The following MSRB3 variants were observed in gnomAD, a reference collection of about 807,000 sequenced individuals.
MSRB3 encodes the protein methionine-R-sulfoxide reductase B3.
A neutral mutation model predicts 21.0 loss-of-function variants in MSRB3; 13 were observed. The observed-to-expected ratio is 0.62, with a 90% CI of 0.40 to 0.98. The LOEUF (loss-of-function observed/expected upper bound fraction) is 0.98, where lower values mean the gene tolerates loss of function less well. Ranked by LOEUF, MSRB3 falls within the 50% of genes least tolerant of loss-of-function variation. The pLI, the probability that MSRB3 is intolerant of heterozygous loss-of-function variation, is 0.00. For synonymous variants in MSRB3, 87 were observed against 88.6 expected (o/e 0.98, Z 0.10); for missense variants, 199 against 230.3 (o/e 0.86, Z 0.88).
chr12:65,371,371 A>G (rs1878315821), intron 5 of MSRB3, among the ~76,000 whole-genome samples: 1 of 151,124 alleles, frequency 6.6e-6, no homozygotes, highest in Admixed American at 6.6e-5. Context: ...GCATATTGGA[A>G]CAATTAAATA....
chr12:65,366,115 C>G (rs1353520189), intron 4 of MSRB3, among the ~76,000 whole-genome samples: 5 of 152,190 alleles, frequency 3.3e-5, no homozygotes. Flanking sequence ...CCCAGGTGCT[C>G]TCAGCCACTC....
chr12:65,330,187 A>G (rs1379816163), intron 4 of MSRB3, among the ~76,000 whole-genome samples: 1 of 152,202 alleles, frequency 6.6e-6, no homozygotes, highest in Non-Finnish European at 1.5e-5. Context: ...TGTTTTAAAT[A>G]AGAAACAGAA....
intron 1 of MSRB3, among the ~76,000 whole-genome samples, chr12:65,293,746 A>G (rs1872790102): frequency 6.6e-6 from 1 of 152,198 alleles, no homozygotes; most frequent in Non-Finnish European, 1.5e-5. Flanking sequence ...TCATGGTGGC[A>G]GGGACCATGG....
At chr12:65,440,569 G>A (rs1282549756) in intron 5 of MSRB3, among the ~76,000 whole-genome samples, 1 of 151,764 alleles carries the variant, frequency 6.6e-6, no homozygotes, top group East Asian at 1.9e-4. Context: ...CTAAAAGGAA[G>A]CCAAATATCA....
intron 5 of MSRB3, among the ~76,000 whole-genome samples, chr12:65,416,720 T>C (rs1003409391): frequency 1.3e-5 from 2 of 152,200 alleles, no homozygotes; most frequent in African/African-American, 4.8e-5. Flanking sequence ...CTTTTTCAGA[T>C]CCATTATAAT....
At chr12:65,303,661 G>A (rs893960596) in intron 1 of MSRB3, among the ~76,000 whole-genome samples, 4 of 152,010 alleles carry the variant, frequency 2.6e-5, no homozygotes, top group Non-Finnish European at 5.9e-5. Context: ...AATAAATGCC[G>A]GGTACTGGGA....
intron 5 of MSRB3, among the ~76,000 whole-genome samples, chr12:65,446,452 A>G (rs1393719051): frequency 6.6e-6 from 1 of 152,210 alleles, no homozygotes; most frequent in Admixed American, 6.5e-5. Flanking sequence ...TAGTTAGTAG[A>G]AAAATTATGA....
intron 1 of MSRB3, among the ~76,000 whole-genome samples, chr12:65,291,363 G>A (rs1280785590): frequency 6.6e-6 from 1 of 151,928 alleles, no homozygotes; most frequent in Non-Finnish European, 1.5e-5. Flanking sequence ...TGGGATTACA[G>A]GTCTTTTCTC....
intron 4 of MSRB3, among the ~76,000 whole-genome samples, chr12:65,347,746 T>G (rs1488715950): frequency 6.6e-6 from 1 of 152,216 alleles, no homozygotes; most frequent in Non-Finnish European, 1.5e-5. Context: ...TCTTATTATT[T>G]GCAGATATGT....
At chr12:65,450,924 A>C (rs1882828418) in intron 5 of MSRB3, among the ~76,000 whole-genome samples, 1 of 152,210 alleles carries the variant, frequency 6.6e-6, no homozygotes, top group African/African-American at 2.4e-5. Context: ...GCCATAAGGC[A>C]GTTTATTACT....
Position 65,278,832 on chromosome 12 carries a change from T to A in MSRB3, c.-85T>A. ...CTGCCTCTCCCTCTGCCTCTGCCTC[T>A]GCCTGGCCGCGGCTCTGGGAAGTGC... On this transcript the variant is annotated 5_prime_UTR_variant, in exon 1 of 7. Coordinates refer to ENST00000308259, the MANE Select transcript of MSRB3 (RefSeq NM_001031679.3). The A allele has an allele frequency of 1.3e-6, 2 of 1,567,644 alleles. No homozygotes were observed. The highest frequency in any genetic ancestry group is 8.6e-7 in the Non-Finnish European group (1 of 1,156,256).
Position 65,465,106 on chromosome 12 carries a change from G to T in MSRB3, c.*1784G>T. On this transcript the variant is annotated 3_prime_UTR_variant, in exon 7 of 7. Coordinates refer to ENST00000308259, the MANE Select transcript of MSRB3 (RefSeq NM_001031679.3). ...GAGAGGAGGCTGACTTAGCTGATTG[G>T]TATGGAAACAGTTGGGCCAAGAGCC... is the stretch of plus-strand genomic sequence containing the variant. 6.6e-6 allele frequency: 1 copy of T among 152,214 alleles called. No homozygotes were observed. The highest frequency in any genetic ancestry group is 1.5e-5 in the Non-Finnish European group (1 of 68,048). The allele number at this position is 152,214 out of a possible 1,614,324, so 9.4% of individuals were successfully genotyped here.
At chr12:65,448,004 A>T (rs748971295) in intron 5 of MSRB3, among the ~76,000 whole-genome samples, 51 of 152,270 alleles carry the variant, frequency 3.3e-4, no homozygotes, top group Middle Eastern at 3.4e-3. Context: ...AATCAATTTG[A>T]TTTTCGGTCT....
intron 2 of MSRB3, among the ~76,000 whole-genome samples, chr12:65,316,652 C>T (rs1874318664): frequency 6.6e-6 from 1 of 152,058 alleles, no homozygotes; most frequent in African/African-American, 2.4e-5. Flanking sequence ...GATCTCTGCT[C>T]TTAAGGGATC....
chr12:65,416,333 T>C (rs1295934675), intron 5 of MSRB3, among the ~76,000 whole-genome samples: 1 of 152,222 alleles, frequency 6.6e-6, no homozygotes, highest in East Asian at 1.9e-4. Context: ...CTCCTCGTTC[T>C]AAACAGAGTC....
chr12:65,417,945 G>A (rs992788260), intron 5 of MSRB3, among the ~76,000 whole-genome samples: 1 of 152,192 alleles, frequency 6.6e-6, no homozygotes, highest in Admixed American at 6.5e-5. Context: ...CAATAAACAT[G>A]GGAGTGCAGA....
At chr12:65,347,166 T>G (rs1318831887) in intron 4 of MSRB3, among the ~76,000 whole-genome samples, 2 of 152,220 alleles carry the variant, frequency 1.3e-5, no homozygotes, top group Non-Finnish European at 2.9e-5. Flanking sequence ...ATCTATAAAT[T>G]ACCTTGGGCA....
At chr12:65,303,763 A>G (rs1441331643) in intron 1 of MSRB3, among the ~76,000 whole-genome samples, 1 of 152,154 alleles carries the variant, frequency 6.6e-6, no homozygotes, top group South Asian at 2.1e-4. Context: ...GAAAGTTGTT[A>G]TAGGGGATGT....
intron 5 of MSRB3, among the ~76,000 whole-genome samples, chr12:65,438,415 C>G (rs1399067126): frequency 6.6e-6 from 1 of 151,740 alleles, no homozygotes; most frequent in African/African-American, 2.4e-5. Context: ...TTTGGGGGAC[C>G]TATAGAGGAA....
Sources: gnomAD v4.1 joint callset for allele counts (sites outside exome capture counted in the v4.1 genomes callset) on GRCh38, gnomAD v4.1.1 for gene constraint, MANE v1.5 for transcripts, NCBI Gene and HGNC (gene_info 2026-07-23, HGNC 2026-07-21) for gene names.